Variants in LSM10 observed in about 807,000 individuals in gnomAD.
The protein encoded by LSM10 is LSM10, U7 small nuclear RNA associated, also known as U7 snRNA-associated Sm-like protein LSm10.
In LSM10, 4 loss-of-function variants were observed where a neutral mutation model predicts 5.2. The ratio of observed to expected loss-of-function variants is 0.77; its 90% CI spans 0.38 to 1.77. The LOEUF is 1.77. Ranked by LOEUF, LSM10 falls within the 40% of genes most tolerant of loss-of-function variation. The probability of loss-of-function intolerance (pLI) is 0.04; values close to 1 mark genes in which losing one functional copy is unlikely to be tolerated. For synonymous variants in LSM10, 63 were observed against 67.4 expected, an observed-to-expected ratio of 0.94 and a Z score of 0.32; for missense variants, 150 against 171.6, an observed-to-expected ratio of 0.87 and a Z score of 0.70.
Position 36,393,580 on chromosome 1 carries a change from A to G in LSM10, c.*178T>C. 1 of 786,172 alleles carries G rather than the reference A, an allele frequency of 1.3e-6. No homozygotes were observed. The highest frequency in any genetic ancestry group is 2.5e-5 in the East Asian group (1 of 40,248). 48.7% of individuals were successfully genotyped at this position (786,172 alleles called of 1,614,324 possible). ...CCACATATAGGATTCTGGGTCCCAG[A>G]GTGAGTCTGGGAGGTGGAACCCTGT... On this transcript the variant is annotated 3_prime_UTR_variant, in exon 2 of 2. Transcript: ENST00000315732.
At position 36,393,667 on chromosome 1, in the gene LSM10, T is replaced by C; in HGVS notation, c.*91A>G. 6.5e-7 allele frequency: 1 copy of C among 1,539,834 alleles called. No homozygotes were observed. Among genetic ancestry groups the C allele is most frequent in the Non-Finnish European group, 8.8e-7 (1 of 1,135,864 alleles). ...CAGCTTCTGGCCTGGCCCTGCTTTCTTCTCGGGTACCAGACAGGGTGTGAG... is the reference window on the plus strand; with the variant it reads ...CAGCTTCTGGCCTGGCCCTGCTTTCCTCTCGGGTACCAGACAGGGTGTGAG... On this transcript the variant is annotated 3_prime_UTR_variant, in exon 2 of 2. Transcript: ENST00000315732.
At chr1:36,396,575 A>G (rs1647159265) in intron 1 of LSM10, among the ~76,000 whole-genome samples, 2 of 152,238 alleles carry the variant, frequency 1.3e-5, no homozygotes, top group South Asian at 4.1e-4. Flanking sequence ...CCAGAGATAA[A>G]GTCATTTTGA....
intron 1 of LSM10, among the ~76,000 whole-genome samples, chr1:36,394,411 C>G (rs976555156): frequency 6.6e-6 from 1 of 152,128 alleles, no homozygotes. Flanking sequence ...ACCTGTGGTA[C>G]TAGCTACTCA....
intron 1 of LSM10, among the ~76,000 whole-genome samples, 183 bp from the exon 2 acceptor site, chr1:36,394,336 G>C (rs1463603549): frequency 1.3e-5 from 2 of 152,152 alleles, no homozygotes; most frequent in Non-Finnish European, 2.9e-5. Context: ...GCAAGCCAAG[G>C]ATTACTTATG....
chr1:36,394,095 A>AG lies in LSM10; in HGVS notation c.34_35insC (p.Ile12ThrfsTer3), dbSNP rs776715833. The stretch of plus-strand genomic sequence containing the variant: ...TAGGATGATCAGGCTGTTCTCAGAG[A>AG]TGGTCCGCTCCTTCACTGAATGGCT... On this transcript the variant is annotated frameshift_variant, in exon 2 of 2. Transcript: ENST00000315732. LOFTEE classifies it high-confidence loss of function. 1 of 1,613,792 alleles carries AG rather than the reference A, an allele frequency of 6.2e-7. No homozygotes were observed. The highest frequency in any genetic ancestry group is 8.5e-7 in the Non-Finnish European group (1 of 1,180,016).
Position 36,393,531 on chromosome 1 carries a change from G to A in LSM10, c.*227C>T. On this transcript the variant is annotated 3_prime_UTR_variant, in exon 2 of 2. Coordinates refer to ENST00000315732, the MANE Select transcript of LSM10 (RefSeq NM_032881.3). ...AGTCAGAGATTCAGATCATCAAAAA[G>A]GGGGATTGTCACCTACCCCAAGGCC... 5.1e-6 allele frequency: 3 copies of A among 586,330 alleles called. No individual in the cohort carries two copies. The highest frequency in any genetic ancestry group is 2.1e-5 in the South Asian group (1 of 47,366). 36.3% of individuals were successfully genotyped at this position (586,330 alleles called of 1,614,324 possible). A position where few individuals can be genotyped will look rare whatever the true frequency, so the allele number is the denominator to read the frequency against.
In LSM10 at chr1:36,395,354, A is replaced by G. The variant is rs150599297; in HGVS notation, c.-24-1201T>C. Among the ~76,000 whole-genome samples the G allele has an allele frequency of 6.2e-3, 952 of 152,366 alleles. 12 individuals carry two copies. The highest frequency in any genetic ancestry group is 0.022 in the African/African-American group (906 of 41,582). On this transcript the variant is annotated intron_variant, in intron 1 of 1. Transcript: ENST00000315732. ...GCAAGACAAATTATTAGGACTAACA[A>G]CAAAAGTCTGTATCATTCCTAATAA... is the stretch of plus-strand genomic sequence containing the variant.
In LSM10 at chr1:36,393,552, A is replaced by G. The variant is rs1647136646; in HGVS notation, c.*206T>C. ...AAAAGGGGGATTGTCACCTACCCCAAGGCCACATATAGGATTCTGGGTCCC... is the reference window on the plus strand; with the variant it reads ...AAAAGGGGGATTGTCACCTACCCCAGGGCCACATATAGGATTCTGGGTCCC... On this transcript the variant is annotated 3_prime_UTR_variant, in exon 2 of 2. Transcript: ENST00000315732. The G allele has an allele frequency of 1.6e-6, 1 of 638,464 alleles. No individual in the cohort carries two copies. The highest frequency in any genetic ancestry group is 2.7e-6 in the Non-Finnish European group (1 of 368,004). The allele number at this position is 638,464 out of a possible 1,614,324, so 39.5% of individuals were successfully genotyped here.
At chr1:36,395,285 CTTG>C (rs1192864642) in intron 1 of LSM10, among the ~76,000 whole-genome samples, 6 of 151,970 alleles carry the variant, frequency 3.9e-5, no homozygotes, top group African/African-American at 1.5e-4. Context: ...GATCACTGTC[CTTG>C]TTGGTCAATT....
Position 36,393,719 on chromosome 1 carries a change from T to C in LSM10, c.*39A>G. The C allele has an allele frequency of 1.9e-6, 3 of 1,605,830 alleles. No individual in the cohort carries two copies. Among genetic ancestry groups the C allele is most frequent in the Non-Finnish European group, 2.6e-6 (3 of 1,175,518 alleles). On this transcript the variant is annotated 3_prime_UTR_variant, in exon 2 of 2. Transcript: ENST00000315732. ...GCAGGGAACTAGCTCCGGAGATCACTGGAGGACTCCGAGTTGGGGCCAGGG... is the reference window on the plus strand; with the variant it reads ...GCAGGGAACTAGCTCCGGAGATCACCGGAGGACTCCGAGTTGGGGCCAGGG...
chr1:36,394,051 G>C lies in LSM10; in HGVS notation c.79C>G (p.Arg27Gly). 6.2e-7 allele frequency: 1 copy of C among 1,614,162 alleles called. No homozygotes were observed. Among genetic ancestry groups the C allele is most frequent in the Non-Finnish European group, 8.5e-7 (1 of 1,180,028 alleles). Reference sequence around the variant, plus strand: ...TCCCGCAGGTCCACAGTGGTTACCCGGCCCTGGAGGCCCTGCAGTAGGATG... The same window carrying C: ...TCCCGCAGGTCCACAGTGGTTACCCCGCCCTGGAGGCCCTGCAGTAGGATG... ...LIILLQGLQGRVTTVDLRDES... is the reference protein window; with the variant it reads ...LIILLQGLQGGVTTVDLRDES... Residue 27 changes from arginine (R) to glycine (G), a missense_variant, in exon 2 of 2, where the codon CGG becomes GGG. By Grantham distance (125) the Arg-to-Gly change is moderately radical. Coordinates refer to ENST00000315732, the MANE Select transcript of LSM10 (RefSeq NM_032881.3).
intron 1 of LSM10, among the ~76,000 whole-genome samples, chr1:36,395,101 C>G (rs1444358410): frequency 6.6e-6 from 1 of 152,082 alleles, no homozygotes; most frequent in Non-Finnish European, 1.5e-5. Context: ...GAGCAAGACT[C>G]TGTCTCAAAA....
Position 36,393,896 on chromosome 1 carries a change from A to G in LSM10, c.234T>C (p.Asn78=). ...KLDDLFVTGR[N]VRYVHIPDDV... ...CATCTGGGATGTGGACGTAGCGGAC[A>G]TTGCGGCCTGTCACAAAGAGGTCAT... Residue 78 remains asparagine, a synonymous_variant, in exon 2 of 2, where the codon AAT becomes AAC. Coordinates refer to ENST00000315732, the MANE Select transcript of LSM10 (RefSeq NM_032881.3). The G allele has an allele frequency of 1.2e-6, 2 of 1,614,246 alleles. No individual in the cohort carries two copies. The highest frequency in any genetic ancestry group is 1.1e-5 in the South Asian group (1 of 91,088).
rs1028877082 is a variant in LSM10, at chr1:36,397,885, C to T, written c.-143G>A. On this transcript the variant is annotated 5_prime_UTR_variant, in exon 1 of 2. Coordinates refer to ENST00000315732, the MANE Select transcript of LSM10 (RefSeq NM_032881.3). ...AGAAACCATGCCGGCGACCGGGCCGCTCTGTCCTCCGGGCGCAGAGTGCGT... is the reference window on the plus strand; with the variant it reads ...AGAAACCATGCCGGCGACCGGGCCGTTCTGTCCTCCGGGCGCAGAGTGCGT... 2.6e-5 allele frequency: 4 copies of T among 152,210 alleles called. No homozygotes were observed. The highest frequency in any genetic ancestry group is 9.6e-5 in the African/African-American group (4 of 41,460). 9.4% of individuals were successfully genotyped at this position (152,210 alleles called of 1,614,324 possible).
intron 1 of LSM10, among the ~76,000 whole-genome samples, chr1:36,396,945 G>A (rs1647161389): frequency 6.6e-6 from 1 of 151,498 alleles, no homozygotes; most frequent in African/African-American, 2.4e-5. Context: ...ACCAGCCTGG[G>A]TGACACAGCG....
At chr1:36,394,991 C>T (rs963480994) in intron 1 of LSM10, among the ~76,000 whole-genome samples, 1 of 152,104 alleles carries the variant, frequency 6.6e-6, no homozygotes, top group Admixed American at 6.5e-5. Context: ...CCTGTAATCT[C>T]AGCTACTCGG....
chr1:36,393,958 T>C lies in LSM10; in HGVS notation c.172A>G (p.Thr58Ala), dbSNP rs1177256289. ...TGATGCCCCCAACGGTCCGTGTAGG[T>C]GACTTTGGCCAGGCGGATGTTCATG... Reference protein sequence around the residue: ...AFMNIRLAKVTYTDRWGHQVK... With the variant: ...AFMNIRLAKVAYTDRWGHQVK... The change falls in exon 2 of 2, where the codon ACC (threonine) becomes GCC (alanine). Residue 58 changes from threonine to alanine, a missense_variant. Transcript: ENST00000315732. The C allele has an allele frequency of 8.1e-6, 13 of 1,614,186 alleles. No homozygotes were observed. The highest frequency in any genetic ancestry group is 1.1e-5 in the Non-Finnish European group (13 of 1,180,026).
intron 1 of LSM10, 129 bp from the exon 2 acceptor site, chr1:36,394,282 C>T (rs765904802): frequency 1.3e-6 from 1 of 784,382 alleles, no homozygotes; most frequent in Non-Finnish European, 2.0e-6. Context: ...TCTGTGGACA[C>T]AGATGCTTCC....
At chr1:36,396,612 G>C (rs1647159396) in intron 1 of LSM10, among the ~76,000 whole-genome samples, 1 of 152,226 alleles carries the variant, frequency 6.6e-6, no homozygotes, top group East Asian at 1.9e-4. Flanking sequence ...TGCTGATGCT[G>C]CTGGTCAGGG....
Sources: gnomAD v4.1 joint callset for allele counts (sites outside exome capture counted in the v4.1 genomes callset) on GRCh38, gnomAD v4.1.1 for gene constraint, MANE v1.5 for transcripts, NCBI Gene and HGNC (gene_info 2026-07-23, HGNC 2026-07-21) for gene names.